Variants in ADAMTS18 observed in about 807,000 individuals in gnomAD.
The protein encoded by ADAMTS18 is A disintegrin and metalloproteinase with thrombospondin motifs 18.
A neutral mutation model predicts 165.9 loss-of-function variants in ADAMTS18; 157 were observed. The observed-to-expected ratio is 0.95, with a 90% CI of 0.83 to 1.08. The LOEUF is 1.08. Among genes scored for constraint, ADAMTS18 ranks in the 50% least tolerant of loss-of-function variants. The pLI is 0.00. For synonymous variants in ADAMTS18, 782 were observed against 578.2 expected, an observed-to-expected ratio of 1.35 and a Z score of -5.06; for missense variants, 2,040 against 1,534.0, an observed-to-expected ratio of 1.33 and a Z score of -5.51.
At position 77,289,252 on chromosome 16, in the gene ADAMTS18, G is replaced by A; in HGVS notation, c.3550+12C>T. On this transcript the variant is annotated intron_variant, in intron 22 of 22. Transcript: ENST00000282849. ...GACTAGTAAAGTTGACTGGAGCATGGTGCCTTTTTACCTCTCTTTTCAGGA... is the reference window on the plus strand; with the variant it reads ...GACTAGTAAAGTTGACTGGAGCATGATGCCTTTTTACCTCTCTTTTCAGGA... 6.2e-7 allele frequency: 1 copy of A among 1,614,048 alleles called. No homozygotes were observed. Among genetic ancestry groups the A allele is most frequent in the Non-Finnish European group, 8.5e-7 (1 of 1,179,932 alleles).
chr16:77,367,915 A>T (rs1470342273), intron 3 of ADAMTS18, among the ~76,000 whole-genome samples, 192 bp from the exon 4 acceptor site: 1 of 152,134 alleles, frequency 6.6e-6, no homozygotes, highest in East Asian at 1.9e-4. Flanking sequence ...CTCACTTTAA[A>T]ACCAAAGCTG....
intron 3 of ADAMTS18, among the ~76,000 whole-genome samples, chr16:77,388,032 T>C (rs751639944): frequency 1.3e-4 from 20 of 152,218 alleles, no homozygotes; most frequent in Admixed American, 1.0e-3. Flanking sequence ...CAGCTAAACC[T>C]GTTTCTGTCT....
At chr16:77,428,089 C>A (rs1219912465) in intron 3 of ADAMTS18, among the ~76,000 whole-genome samples, 5 of 152,290 alleles carry the variant, frequency 3.3e-5, no homozygotes, top group African/African-American at 1.2e-4. Context: ...AAAATTGCTA[C>A]CACATCCAAA....
At chr16:77,377,944 GA>G (rs2056975892) in intron 3 of ADAMTS18, among the ~76,000 whole-genome samples, 1 of 152,156 alleles carries the variant, frequency 6.6e-6, no homozygotes, top group Non-Finnish European at 1.5e-5. Flanking sequence ...TGGAGGGAAA[GA>G]AACATCAGAA....
chr16:77,286,662 G>A (rs766721454), intron 22 of ADAMTS18, among the ~76,000 whole-genome samples: 10 of 152,026 alleles, frequency 6.6e-5, no homozygotes, highest in African/African-American at 9.7e-5. Flanking sequence ...TCCTTCCACT[G>A]TACAATGCTG....
intron 3 of ADAMTS18, among the ~76,000 whole-genome samples, chr16:77,383,610 C>G (rs367749936): frequency 5.3e-5 from 8 of 152,190 alleles, no homozygotes; most frequent in African/African-American, 1.9e-4. Context: ...GTGGCGCAAT[C>G]TCAGCTCACT....
chr16:77,319,948 C>A lies in ADAMTS18; in HGVS notation c.2433G>T (p.Glu811Asp), dbSNP rs1243013158. Reference sequence around the variant, plus strand: ...CAAACGTGGTCCCAGCGAAGGGGAACTCCCCAGGCCAGTCGATGCTCCAGC... The same window carrying A: ...CAAACGTGGTCCCAGCGAAGGGGAAATCCCCAGGCCAGTCGATGCTCCAGC... ...TGGWSIDWPG[E>D]FPFAGTTFEY... Residue 811 changes from glutamate to aspartate, a missense_variant, in exon 16 of 23, where the codon GAG becomes GAT. By Grantham distance (45) the Glu-to-Asp change is conservative. Transcript: ENST00000282849. 6.2e-7 allele frequency: 1 copy of A among 1,614,188 alleles called. No individual in the cohort carries two copies.
At chr16:77,355,306 C>G (rs1470879650) in intron 9 of ADAMTS18, among the ~76,000 whole-genome samples, 1 of 151,340 alleles carries the variant, frequency 6.6e-6, no homozygotes, top group Non-Finnish European at 1.5e-5. Flanking sequence ...TTTACTAATG[C>G]AACTTAAGGT....
chr16:77,357,199 T>C (rs918203152), intron 8 of ADAMTS18, among the ~76,000 whole-genome samples: 5 of 152,148 alleles, frequency 3.3e-5, no homozygotes, highest in African/African-American at 9.7e-5. Context: ...AAGTAGTCTA[T>C]ACCAAATAAA....
At chr16:77,383,527 G>C (rs932530986) in intron 3 of ADAMTS18, among the ~76,000 whole-genome samples, 9 of 149,086 alleles carry the variant, frequency 6.0e-5, no homozygotes, top group African/African-American at 1.7e-4. Flanking sequence ...GTAGGTTTTT[G>C]TCCAAAGGCG....
chr16:77,299,029 T>C (rs959432947), intron 17 of ADAMTS18, among the ~76,000 whole-genome samples: 2 of 152,182 alleles, frequency 1.3e-5, no homozygotes, highest in African/African-American at 4.8e-5. Context: ...CTTCTCTCCT[T>C]CCCAAGGCAC....
intron 3 of ADAMTS18, among the ~76,000 whole-genome samples, chr16:77,371,907 C>G (rs552474776): frequency 6.6e-6 from 1 of 152,184 alleles, no homozygotes; most frequent in South Asian, 2.1e-4. Flanking sequence ...GTAAGGAACT[C>G]AAACAACTCA....
chr16:77,342,534 T>G (rs1023565516), intron 10 of ADAMTS18, among the ~76,000 whole-genome samples: 1 of 152,164 alleles, frequency 6.6e-6, no homozygotes, highest in Non-Finnish European at 1.5e-5. Context: ...AAAGTGATCC[T>G]CCCACCTCAG....
intron 3 of ADAMTS18, among the ~76,000 whole-genome samples, chr16:77,394,201 T>G (rs2144796040): frequency 6.6e-6 from 1 of 152,164 alleles, no homozygotes; most frequent in South Asian, 2.1e-4. Context: ...TTCCAAAGGG[T>G]TTTTAAATGC....
At chr16:77,338,412 T>A (rs547299337) in intron 11 of ADAMTS18, among the ~76,000 whole-genome samples, 3 of 151,930 alleles carry the variant, frequency 2.0e-5, no homozygotes, top group South Asian at 2.1e-4. Flanking sequence ...ATTTTTTGTA[T>A]TTTTAGTAGA....
intron 12 of ADAMTS18, among the ~76,000 whole-genome samples, chr16:77,326,260 CT>C (rs1450427077): frequency 6.6e-6 from 1 of 152,116 alleles, no homozygotes; most frequent in Non-Finnish European, 1.5e-5. Flanking sequence ...TTTTCTAGTT[CT>C]TTTCATTACC....
At chr16:77,329,165 G>A (rs2056146560) in intron 12 of ADAMTS18, among the ~76,000 whole-genome samples, 1 of 151,830 alleles carries the variant, frequency 6.6e-6, no homozygotes, top group Admixed American at 6.6e-5. Context: ...GAGTGAACTG[G>A]CACAATCATG....
Position 77,431,484 on chromosome 16 carries a change from T to A in ADAMTS18, c.306A>T (p.Ser102=). The A allele has an allele frequency of 1.2e-6, 2 of 1,614,214 alleles. No individual in the cohort carries two copies. Among genetic ancestry groups the A allele is most frequent in the Non-Finnish European group, 1.7e-6 (2 of 1,180,042 alleles). Residue 102 remains serine, a synonymous_variant, in exon 3 of 23, where the codon TCA becomes TCT. Transcript: ENST00000282849. ...NARSSLHYRF[S]AFGQELHLEL... ...CTAAGTGCAGTTCCTGTCCAAATGC[T>A]GAAAATCGGTAGTGCAGGGAGCTTC...
chr16:77,426,771 C>A (rs1260678222), intron 3 of ADAMTS18, among the ~76,000 whole-genome samples: 1 of 152,028 alleles, frequency 6.6e-6, no homozygotes, highest in Non-Finnish European at 1.5e-5. Flanking sequence ...CCTGGTAATC[C>A]CAGCACTTTG....
Sources: gnomAD v4.1 joint callset for allele counts (sites outside exome capture counted in the v4.1 genomes callset) on GRCh38, gnomAD v4.1.1 for gene constraint, MANE v1.5 for transcripts, NCBI Gene and HGNC (gene_info 2026-07-23, HGNC 2026-07-21) for gene names.